Variants in PPP4R3B observed in about 807,000 individuals in gnomAD.
PPP4R3B encodes the protein serine/threonine-protein phosphatase 4 regulatory subunit 3B.
A neutral mutation model predicts 95.4 loss-of-function variants in PPP4R3B; 52 were observed. The observed-to-expected ratio is 0.54, with a 90% CI of 0.44 to 0.69. The LOEUF is 0.69. Among genes scored for constraint, PPP4R3B ranks in the 30% least tolerant of loss-of-function variants. The pLI is 0.00. For synonymous variants in PPP4R3B, 407 were observed against 343.9 expected (o/e 1.18, Z -2.03); for missense variants, 1,003 against 1,005.9 (o/e 1.00, Z 0.04).
At chr2:55,589,947 AT>A (rs1690746102) in intron 4 of PPP4R3B, among the ~76,000 whole-genome samples, 2 of 134,808 alleles carry the variant, frequency 1.5e-5, no homozygotes, top group African/African-American at 5.1e-5. Flanking sequence ...TATATAAAAA[AT>A]ATATATAATT....
intron 2 of PPP4R3B, chr2:55,614,334 A>G (rs567580194): frequency 1.4e-4 from 22 of 152,200 alleles, no homozygotes; most frequent in Non-Finnish European, 3.1e-4. Flanking sequence ...TACATACCAC[A>G]CACAAAAAAG....
chr2:55,607,578 C>T (rs1268815799), intron 2 of PPP4R3B, among the ~76,000 whole-genome samples: 1 of 152,168 alleles, frequency 6.6e-6, no homozygotes, highest in Admixed American at 6.5e-5. Context: ...GTTGCATTAC[C>T]TCCCTGGGCA....
chr2:55,594,807 C>T (rs1221243720), intron 4 of PPP4R3B, among the ~76,000 whole-genome samples: 2 of 151,988 alleles, frequency 1.3e-5, no homozygotes, highest in Non-Finnish European at 2.9e-5. Context: ...ATAAAAAGAA[C>T]CTGATATGTA....
Position 55,617,330 on chromosome 2 carries a change from C to T in PPP4R3B, c.-45G>A, listed in dbSNP as rs374844256. ...GCTCTAGCCGCCGCCTCCTCGCTTA[C>T]CTCGTCCGCGCTCCTCACTCTTAGG... On this transcript the variant is annotated 5_prime_UTR_variant, in exon 1 of 17. Transcript: ENST00000616407. 7.3e-5 allele frequency: 112 copies of T among 1,535,362 alleles called. No homozygotes were observed. The Middle Eastern group carries it at 9.1e-4, about 13-fold the overall frequency.
rs1246649968 is a variant in PPP4R3B, at chr2:55,617,392, C to T, written c.-107G>A. On this transcript the variant is annotated 5_prime_UTR_variant, in exon 1 of 17. Transcript: ENST00000616407. ...GCAGTAGTGGCGGTGGCGGCGGCGG[C>T]GGCTTCGGAGAGGCCCGAATTCACC... 5.3e-6 allele frequency: 7 copies of T among 1,322,210 alleles called. No homozygotes were observed. The highest frequency in any genetic ancestry group is 6.9e-6 in the Non-Finnish European group (7 of 1,016,014). The allele number at this position is 1,322,210 out of a possible 1,614,324, so 81.9% of individuals were successfully genotyped here. A position where few individuals can be genotyped will look rare whatever the true frequency, so the allele number is the denominator to read the frequency against.
At chr2:55,601,542 G>A (rs944756451) in intron 3 of PPP4R3B, among the ~76,000 whole-genome samples, 3 of 151,888 alleles carry the variant, frequency 2.0e-5, no homozygotes, top group Non-Finnish European at 2.9e-5. Flanking sequence ...CACCATGCCC[G>A]GCTAATTTTT....
chr2:55,606,029 T>TA lies in PPP4R3B; in HGVS notation c.199-1954dup, dbSNP rs901741709. 5.4e-5 allele frequency among the ~76,000 whole-genome samples: 8 copies of TA among 149,112 alleles called. No individual in the cohort carries two copies. The Middle Eastern group carries it at 0.01, about 193-fold the overall frequency. ...AAAATTCAGTAAGAACCTCCATATA[T>TA]AAAAAAAAGAAATAAATAGAGCTAC... On this transcript the variant is annotated intron_variant, in intron 2 of 16. Transcript: ENST00000616407.
chr2:55,590,493 T>A (rs1429193339), intron 4 of PPP4R3B, among the ~76,000 whole-genome samples: 1 of 152,202 alleles, frequency 6.6e-6, no homozygotes, highest in Non-Finnish European at 1.5e-5. Context: ...ATTTTCTTTT[T>A]GGTTATCTAT....
intron 9 of PPP4R3B, among the ~76,000 whole-genome samples, chr2:55,578,992 A>T (rs1434010491): frequency 6.6e-6 from 1 of 152,080 alleles, no homozygotes; most frequent in Non-Finnish European, 1.5e-5. Flanking sequence ...AGTTAAGTTG[A>T]ATATAGAAGG....
chr2:55,580,373 G>C (rs147740463), intron 8 of PPP4R3B, among the ~76,000 whole-genome samples: 90 of 152,202 alleles, frequency 5.9e-4, no homozygotes, highest in African/African-American at 1.7e-3. Flanking sequence ...AGTGTATTGA[G>C]TTTTTCCCAA....
intron 5 of PPP4R3B, 52 bp downstream of exon 5, chr2:55,588,827 G>C: frequency 3.0e-5 from 37 of 1,215,336 alleles, no homozygotes; most frequent in Non-Finnish European, 4.2e-5. Context: ...ATTAAAAGCT[G>C]TGCATGCCAA....
intron 8 of PPP4R3B, among the ~76,000 whole-genome samples, chr2:55,580,832 AAT>A (rs1168574432): frequency 6.6e-6 from 1 of 152,216 alleles, no homozygotes; most frequent in African/African-American, 2.4e-5. Context: ...TGGAGTATCT[AAT>A]CCTTAAGTAT....
chr2:55,585,513 G>A (rs913484381), intron 6 of PPP4R3B, among the ~76,000 whole-genome samples: 3 of 152,104 alleles, frequency 2.0e-5, no homozygotes, highest in Admixed American at 1.3e-4. Flanking sequence ...TTTGAATAAC[G>A]TCTCCTAGCT....
At chr2:55,579,567 A>G in intron 9 of PPP4R3B, 112 bp downstream of exon 9, 1 of 580,176 alleles carries the variant, frequency 1.7e-6, no homozygotes, top group South Asian at 4.7e-5. Context: ...TAAGTTTTTC[A>G]GTCGTAATCT....
chr2:55,568,048 T>C, intron 13 of PPP4R3B, 146 bp downstream of exon 13: 1 of 479,640 alleles, frequency 2.1e-6, no homozygotes, highest in Non-Finnish European at 3.3e-6. Flanking sequence ...AATTTCTGTT[T>C]ATTAGAATAG....
chr2:55,598,559 T>G lies in PPP4R3B; in HGVS notation c.778A>C (p.Arg260=), dbSNP rs1692118604. 2 of 1,614,108 alleles carry G rather than the reference T, an allele frequency of 1.2e-6. No individual in the cohort carries two copies. The highest frequency in any genetic ancestry group is 2.7e-5 in the African/African-American group (2 of 74,938). ...CTGTAAGTCTGATGTATTTTTTGCCTTAGTTCAGAGTCTGTTATTGGTATA... is the reference window on the plus strand; with the variant it reads ...CTGTAAGTCTGATGTATTTTTTGCCGTAGTTCAGAGTCTGTTATTGGTATA... ...EVIPITDSEL[R]QKIHQTYRVQ... Residue 260 remains arginine (R), a synonymous_variant, in exon 4 of 17, where the codon AGG becomes CGG. Coordinates refer to ENST00000616407, the MANE Select transcript of PPP4R3B (RefSeq NM_001122964.3).
At chr2:55,563,407 C>T (rs552207183) in intron 15 of PPP4R3B, among the ~76,000 whole-genome samples, 6 of 152,258 alleles carry the variant, frequency 3.9e-5, no homozygotes, top group African/African-American at 1.4e-4. Flanking sequence ...TAAGGTCTTT[C>T]TCTGTTATTA....
chr2:55,593,699 A>G (rs1469861901), intron 4 of PPP4R3B, among the ~76,000 whole-genome samples: 1 of 152,188 alleles, frequency 6.6e-6, no homozygotes, highest in Non-Finnish European at 1.5e-5. Context: ...GAGGCCAGGT[A>G]AGAACAGTTT....
chr2:55,582,205 T>C (rs1689535135), intron 7 of PPP4R3B, among the ~76,000 whole-genome samples: 1 of 152,228 alleles, frequency 6.6e-6, no homozygotes, highest in Non-Finnish European at 1.5e-5. Flanking sequence ...GTGAACACTG[T>C]GTTATATAAC....
Sources: gnomAD v4.1 joint callset for allele counts (sites outside exome capture counted in the v4.1 genomes callset) on GRCh38, gnomAD v4.1.1 for gene constraint, MANE v1.5 for transcripts, NCBI Gene and HGNC (gene_info 2026-07-23, HGNC 2026-07-21) for gene names.